The following PTPRN2 variants were observed in gnomAD, a reference collection of about 807,000 sequenced individuals.
PTPRN2 encodes protein tyrosine phosphatase receptor type N2.
A neutral mutation model predicts 118.8 loss-of-function variants in PTPRN2; 74 were observed. That is an observed-to-expected ratio of 0.62 (90% CI 0.52 to 0.76). PTPRN2 has a LOEUF of 0.76. Among genes scored for constraint, PTPRN2 ranks in the 30% least tolerant of loss-of-function variants. The pLI is 0.00. For missense variants in PTPRN2, 1,481 were observed against 1,394.4 expected (o/e 1.06, Z -0.99); for synonymous variants, 641 against 608.0 (o/e 1.05, Z -0.80).
At position 158,192,433 on chromosome 7, in the gene PTPRN2, G is replaced by C; in HGVS notation, c.443C>G (p.Ala148Gly). The C allele has an allele frequency of 6.4e-7, 1 of 1,552,810 alleles. No homozygotes were observed. Among genetic ancestry groups the C allele is most frequent in the South Asian group, 1.2e-5 (1 of 80,654 alleles). Residue 148 changes from alanine to glycine, a missense_variant, in exon 5 of 23, where the codon GCC (alanine) becomes GGC (glycine). Coordinates refer to ENST00000389418, the MANE Select transcript of PTPRN2 (RefSeq NM_002847.5). ...RYSREGGAAL[A>G]NALRRHLPFL... ...GGGCAGGTGGCGTCGGAGGGCGTTGGCCAGGGCAGCACCGCCCTCCCGACT... is the reference window on the plus strand; with the variant it reads ...GGGCAGGTGGCGTCGGAGGGCGTTGCCCAGGGCAGCACCGCCCTCCCGACT...
rs1249575278 is a variant in PTPRN2, at chr7:158,345,102, C to A, written c.164-28170G>T. ...GCTCCATCTCTGAGGGTGGACCCTG[C>A]TGCCTGGGAGCAGTCCTGGCAGGAC... On this transcript the variant is annotated intron_variant, in intron 2 of 22. Transcript: ENST00000389418. Among the ~76,000 whole-genome samples the A allele has an allele frequency of 2.0e-5, 3 of 152,192 alleles. No homozygotes were observed. In the East Asian group the frequency reaches 5.8e-4, roughly 29 times the overall value.
Position 158,461,495 on chromosome 7 carries a change from C to CAAA in PTPRN2, c.163+28237_163+28239dup, listed in dbSNP as rs71200029. ...TGGGCAACAGAGCGAGACTCCGTCT[C>CAAA]AAAAAAAAAAAAAAATCTTACAGCA... On this transcript the variant is annotated intron_variant, in intron 2 of 22. Transcript: ENST00000389418. Among the ~76,000 whole-genome samples the CAAA allele has an allele frequency of 2.7e-3, 361 of 133,864 alleles. 9 individuals carry two copies. The South Asian group carries it at 0.049, about 18-fold the overall frequency. 87.8% of individuals were successfully genotyped at this position (133,864 alleles called of 152,430 possible). A position where few individuals can be genotyped will look rare whatever the true frequency, so the allele number is the denominator to read the frequency against.
At chr7:158,373,742 A>G (rs1810281762) in intron 2 of PTPRN2, among the ~76,000 whole-genome samples, 1 of 152,244 alleles carries the variant, frequency 6.6e-6, no homozygotes, top group African/African-American at 2.4e-5. Context: ...GGAAATATTC[A>G]AATAAATAGC....
At chr7:158,553,376 A>G (rs576051125) in intron 1 of PTPRN2, among the ~76,000 whole-genome samples, 1 of 150,788 alleles carries the variant, frequency 6.6e-6, no homozygotes, top group East Asian at 2.0e-4. Context: ...GTATATGCAC[A>G]GGCTTAGGAG....
intron 9 of PTPRN2, among the ~76,000 whole-genome samples, chr7:158,120,077 G>A (rs1412167549): frequency 2.0e-5 from 3 of 152,174 alleles, no homozygotes; most frequent in Non-Finnish European, 4.4e-5. Flanking sequence ...GAAACATGAT[G>A]GTAACTGAAA....
At chr7:157,884,206 T>G (rs1796333263) in intron 12 of PTPRN2, among the ~76,000 whole-genome samples, 1 of 152,138 alleles carries the variant, frequency 6.6e-6, no homozygotes, top group Non-Finnish European at 1.5e-5. Context: ...AAAATGACTG[T>G]CAGAGACCAG....
intron 10 of PTPRN2, among the ~76,000 whole-genome samples, chr7:158,084,678 C>G (rs943503480): frequency 1.2e-4 from 18 of 148,172 alleles, no homozygotes; most frequent in African/African-American, 4.5e-4. Flanking sequence ...TCCACACCCA[C>G]GACGCCCATC....
At chr7:158,149,316 C>A (rs953489083) in intron 6 of PTPRN2, among the ~76,000 whole-genome samples, 1 of 152,114 alleles carries the variant, frequency 6.6e-6, no homozygotes, top group African/African-American at 2.4e-5. Flanking sequence ...ATGTGTAAAT[C>A]ACTGCCTATA....
intron 11 of PTPRN2, among the ~76,000 whole-genome samples, chr7:158,044,744 C>T (rs1808720256): frequency 6.6e-6 from 1 of 152,142 alleles, no homozygotes; most frequent in East Asian, 1.9e-4. Context: ...GCTCAAGTGG[C>T]CCAGGTTAAC....
chr7:158,274,333 G>A (rs116329306), intron 3 of PTPRN2, among the ~76,000 whole-genome samples: 25,793 of 48,202 alleles, frequency 0.54, 4,632 homozygotes, highest in African/African-American at 0.58. Flanking sequence ...AGGGGGAGCC[G>A]CAGACGCGGG....
At chr7:158,066,973 ATTACAGTAGGGAGTAG>A (rs1178115737) in intron 11 of PTPRN2, among the ~76,000 whole-genome samples, 1 of 152,218 alleles carries the variant, frequency 6.6e-6, no homozygotes, top group African/African-American at 2.4e-5. Flanking sequence ...TCCCACAAAA[ATTACAGTAGGGAGTAG>A]TTATAGGTTG....
At chr7:158,232,291 G>A (rs1829206707) in intron 3 of PTPRN2, among the ~76,000 whole-genome samples, 1 of 151,898 alleles carries the variant, frequency 6.6e-6, no homozygotes. Context: ...CAGATCACAG[G>A]AATAAAAAGG....
chr7:157,939,061 T>C (rs7805765), intron 11 of PTPRN2, among the ~76,000 whole-genome samples: 83,554 of 150,398 alleles, frequency 0.56, 24,794 homozygotes, highest in African/African-American at 0.79. Context: ...AAGTAAAGCA[T>C]GCAGGTCCCC....
chr7:157,821,291 C>A (rs1341808257), intron 12 of PTPRN2, among the ~76,000 whole-genome samples: 1 of 152,234 alleles, frequency 6.6e-6, no homozygotes, highest in Non-Finnish European at 1.5e-5. Flanking sequence ...TATAAGACCT[C>A]TGAGTAAAGA....
chr7:157,999,308 C>T lies in PTPRN2; in HGVS notation c.1723+81990G>A, dbSNP rs79417942. On this transcript the variant is annotated intron_variant, in intron 11 of 22. Transcript: ENST00000389418. ...ATCTCCTTTAAATAAACAGCAAAACCGTTTTCACAACTCAGCTCCCAATGT... is the reference window on the plus strand; with the variant it reads ...ATCTCCTTTAAATAAACAGCAAAACTGTTTTCACAACTCAGCTCCCAATGT... Among the ~76,000 whole-genome samples, 35 of 152,276 alleles carry T rather than the reference C, an allele frequency of 2.3e-4. No individual in the cohort carries two copies. The East Asian group carries it at 6.6e-3, about 29-fold the overall frequency.
intron 10 of PTPRN2, among the ~76,000 whole-genome samples, chr7:158,095,846 G>C (rs1331802877): frequency 6.6e-6 from 1 of 152,196 alleles, no homozygotes; most frequent in Non-Finnish European, 1.5e-5. Context: ...CCAAAGTACT[G>C]GGATTACAGG....
At chr7:158,048,554 T>TCATCAC (rs1263728439) in intron 11 of PTPRN2, among the ~76,000 whole-genome samples, 12 of 151,786 alleles carry the variant, frequency 7.9e-5, no homozygotes, top group Non-Finnish European at 1.5e-4. Flanking sequence ...ACCAGCACCA[T>TCATCAC]CATCACCATC....
At chr7:158,042,311 G>T (rs951262940) in intron 11 of PTPRN2, among the ~76,000 whole-genome samples, 1 of 152,186 alleles carries the variant, frequency 6.6e-6, no homozygotes, top group African/African-American at 2.4e-5. Context: ...CCCCAGCAGA[G>T]GGGTCGGGAG....
At chr7:158,171,079 T>C (rs200092113) in intron 5 of PTPRN2, among the ~76,000 whole-genome samples, 10 of 22,034 alleles carry the variant, frequency 4.5e-4, no homozygotes, top group Admixed American at 1.9e-3. Context: ...TATATACACA[T>C]ATATATACAC....
Sources: gnomAD v4.1 joint callset for allele counts (sites outside exome capture counted in the v4.1 genomes callset) on GRCh38, gnomAD v4.1.1 for gene constraint, MANE v1.5 for transcripts, NCBI Gene and HGNC (gene_info 2026-07-23, HGNC 2026-07-21) for gene names.